LRRC49: variants seen among roughly 807,000 people sequenced by gnomAD.
The protein encoded by LRRC49 is leucine-rich repeat-containing protein 49.
In LRRC49, 50 loss-of-function variants were observed where a neutral mutation model predicts 83.3. That is an observed-to-expected ratio of 0.60 (90% CI 0.48 to 0.76). The LOEUF is 0.76. LRRC49 is among the 30% of genes least tolerant of loss of function. The pLI, the probability that LRRC49 is intolerant of heterozygous loss-of-function variation, is 0.00. For synonymous variants in LRRC49, 286 were observed against 283.3 expected, an observed-to-expected ratio of 1.01 and a Z score of -0.10; for missense variants, 704 against 809.1, an observed-to-expected ratio of 0.87 and a Z score of 1.58.
At chr15:70,853,992 C>A (rs1342431821) in intron 1 of LRRC49, 1 of 1,466,086 alleles carries the variant, frequency 6.8e-7, no homozygotes, top group Non-Finnish European at 9.1e-7. Flanking sequence ...TCCTCCTCGT[C>A]CTCCAACTCG....
chr15:71,048,070 C>T (rs866667262), intron 15 of LRRC49, among the ~76,000 whole-genome samples: 37 of 150,240 alleles, frequency 2.5e-4, no homozygotes, highest in African/African-American at 3.9e-4. Context: ...GCCACTGCAC[C>T]GGGCCAAATT....
At chr15:71,000,401 C>T (rs1464174936) in intron 11 of LRRC49, among the ~76,000 whole-genome samples, 1 of 152,136 alleles carries the variant, frequency 6.6e-6, no homozygotes, top group Non-Finnish European at 1.5e-5. Flanking sequence ...AAAACTTTGT[C>T]AGTTGGTAGG....
intron 11 of LRRC49, among the ~76,000 whole-genome samples, chr15:70,998,757 C>G (rs533357498): frequency 9.2e-6 from 1 of 108,836 alleles, no homozygotes; most frequent in Non-Finnish European, 2.0e-5. Context: ...ATTGTTTTTT[C>G]AAATATTCTT....
intron 14 of LRRC49, among the ~76,000 whole-genome samples, chr15:71,013,920 C>T (rs924671158): frequency 6.6e-6 from 1 of 152,156 alleles, no homozygotes; most frequent in Non-Finnish European, 1.5e-5. Context: ...GATCATACCG[C>T]TTTAGCTGCG....
chr15:71,005,949 AT>A (rs1489789963), intron 11 of LRRC49, among the ~76,000 whole-genome samples: 1 of 152,162 alleles, frequency 6.6e-6, no homozygotes, highest in East Asian at 1.9e-4. Flanking sequence ...AGAGGAGCAA[AT>A]TTGTAAACAT....
intron 10 of LRRC49, 69 bp from the exon 11 acceptor site, chr15:70,984,025 C>A: frequency 8.7e-7 from 1 of 1,148,284 alleles, no homozygotes; most frequent in Non-Finnish European, 1.3e-6. Flanking sequence ...AAACAATATG[C>A]CCCTTAGATG....
At chr15:70,922,437 T>C (rs796248636) in intron 7 of LRRC49, among the ~76,000 whole-genome samples, 11 of 152,144 alleles carry the variant, frequency 7.2e-5, no homozygotes, top group African/African-American at 2.6e-4. Context: ...AAAACACATA[T>C]CGCATGTTCT....
At chr15:70,980,034 A>G in intron 9 of LRRC49, 67 bp from the exon 10 acceptor site, 1 of 972,708 alleles carries the variant, frequency 1.0e-6, no homozygotes, top group Non-Finnish European at 1.6e-6. Flanking sequence ...GCTTAATAGG[A>G]CCAATGATAT....
At chr15:71,022,960 A>G (rs775004365) in intron 14 of LRRC49, among the ~76,000 whole-genome samples, 1 of 152,258 alleles carries the variant, frequency 6.6e-6, no homozygotes, top group African/African-American at 2.4e-5. Context: ...CATGTTTTCT[A>G]TTCAAAATGT....
chr15:71,005,790 T>TA (rs1424127204), intron 11 of LRRC49, among the ~76,000 whole-genome samples: 7 of 152,274 alleles, frequency 4.6e-5, no homozygotes, highest in Admixed American at 1.3e-4. Context: ...ATTAATTAGT[T>TA]AATTAATTAA....
chr15:70,945,519 CTGTGTG>C lies in LRRC49; in HGVS notation c.773+8739_773+8744del, dbSNP rs749607668. Among the ~76,000 whole-genome samples the C allele has an allele frequency of 7.7e-3, 1,046 of 135,862 alleles. 9 individuals carry two copies. Among genetic ancestry groups the C allele is most frequent in the South Asian group, 9.8e-3 (39 of 3,988 alleles). The allele number at this position is 135,862 out of a possible 152,430, so 89.1% of individuals were successfully genotyped here. ...ATACATTCTTTCTGTATTTAACAAC[CTGTGTG>C]TGTGTGTGTGTGTGTGTGTGTGTGT... On this transcript the variant is annotated intron_variant, in intron 8 of 15. Coordinates refer to ENST00000260382, the MANE Select transcript of LRRC49 (RefSeq NM_017691.5).
chr15:70,931,751 A>AT (rs1161655896), intron 7 of LRRC49, among the ~76,000 whole-genome samples: 2 of 151,700 alleles, frequency 1.3e-5, no homozygotes, highest in Admixed American at 6.6e-5. Flanking sequence ...ACTCATGGTA[A>AT]TTTTTTCTTT....
At chr15:70,890,060 A>G (rs2033512119), upstream of LRRC49, among the ~76,000 whole-genome samples, 1 of 152,208 alleles carries the variant, frequency 6.6e-6, no homozygotes, top group Non-Finnish European at 1.5e-5. Context: ...TACTAAATGG[A>G]AAACAGATTT....
At chr15:70,897,672 TAATC>T (rs1325640473) in intron 3 of LRRC49, among the ~76,000 whole-genome samples, 1 of 152,226 alleles carries the variant, frequency 6.6e-6, no homozygotes, top group Non-Finnish European at 1.5e-5. Flanking sequence ...TTTTCAAAAT[TAATC>T]AAACATATCA....
intron 9 of LRRC49, 25 bp downstream of exon 9, chr15:70,963,957 C>T: frequency 1.2e-6 from 2 of 1,604,650 alleles, no homozygotes; most frequent in South Asian, 2.2e-5. Context: ...AAAGTGTTCA[C>T]CATGTTGTTG....
intron 5 of LRRC49, among the ~76,000 whole-genome samples, chr15:70,906,387 G>A (rs546772499): frequency 4.6e-5 from 7 of 152,228 alleles, no homozygotes; most frequent in South Asian, 4.2e-4. Flanking sequence ...GAGCCACCGC[G>A]CCCAGCCACC....
At chr15:70,919,766 C>T (rs2034937452) in intron 7 of LRRC49, among the ~76,000 whole-genome samples, 2 of 152,056 alleles carry the variant, frequency 1.3e-5, no homozygotes, top group Non-Finnish European at 2.9e-5. Context: ...GGACATTGGA[C>T]CAGTTTGACT....
chr15:70,857,934 C>A (rs2032691737), intron 1 of LRRC49, among the ~76,000 whole-genome samples: 1 of 152,226 alleles, frequency 6.6e-6, no homozygotes, highest in Admixed American at 6.5e-5. Context: ...GAATGATCCT[C>A]ACTTAATTGA....
At chr15:70,985,531 C>A (rs2037576103) in intron 11 of LRRC49, among the ~76,000 whole-genome samples, 2 of 151,952 alleles carry the variant, frequency 1.3e-5, no homozygotes, top group African/African-American at 4.8e-5. Flanking sequence ...GGATATTAGC[C>A]CTTTGTCACA....
Sources: gnomAD v4.1 joint callset for allele counts (sites outside exome capture counted in the v4.1 genomes callset) on GRCh38, gnomAD v4.1.1 for gene constraint, MANE v1.5 for transcripts, NCBI Gene and HGNC (gene_info 2026-07-23, HGNC 2026-07-21) for gene names.